CCSER1: variants seen among roughly 807,000 people sequenced by gnomAD.
CCSER1 encodes the protein serine-rich coiled-coil domain-containing protein 1.
CCSER1 carries 41 observed loss-of-function variants against 82.0 expected under a neutral mutation model. The observed-to-expected ratio is 0.50, with a 90% CI of 0.39 to 0.65. The LOEUF (loss-of-function observed/expected upper bound fraction) is 0.65, where lower values mean the gene tolerates loss of function less well. CCSER1 is among the 30% of genes least tolerant of loss of function. CCSER1 has a pLI of 0.00. For synonymous variants in CCSER1, 414 were observed against 383.9 expected (o/e 1.08, Z -0.92); for missense variants, 1,119 against 1,064.2 (o/e 1.05, Z -0.72).
At chr4:90,695,121 G>A (rs1288122687) in intron 6 of CCSER1, among the ~76,000 whole-genome samples, 2 of 149,476 alleles carry the variant, frequency 1.3e-5, no homozygotes, top group Non-Finnish European at 3.0e-5. Flanking sequence ...CATACACTTT[G>A]GCAACTATTG....
In CCSER1 at chr4:91,000,446, T is replaced by G. The variant is rs573741680; in HGVS notation, c.2172+76999T>G. 8.5e-5 allele frequency among the ~76,000 whole-genome samples: 13 copies of G among 152,234 alleles called. 1 individual carries two copies. The South Asian group carries it at 2.7e-3, about 32-fold the overall frequency. ...CCATATGAATTTTAGTATAATGTTT[T>G]CCAATTCTATGAAAAATGACATTGG... On this transcript the variant is annotated intron_variant, in intron 9 of 10. Coordinates refer to ENST00000509176, the MANE Select transcript of CCSER1 (RefSeq NM_001145065.2).
chr4:90,920,998 T>C (rs1728302830), intron 8 of CCSER1, among the ~76,000 whole-genome samples: 1 of 151,664 alleles, frequency 6.6e-6, no homozygotes, highest in South Asian at 2.1e-4. Flanking sequence ...AAAATATATA[T>C]ATTTATGAAA....
intron 5 of CCSER1, among the ~76,000 whole-genome samples, chr4:90,504,034 T>G (rs972935139): frequency 2.6e-5 from 4 of 152,184 alleles, no homozygotes; most frequent in Admixed American, 6.5e-5. Context: ...ATTGTATTCA[T>G]AACCTTTGCA....
At chr4:91,437,916 C>G (rs567752107) in intron 10 of CCSER1, among the ~76,000 whole-genome samples, 1 of 152,178 alleles carries the variant, frequency 6.6e-6, no homozygotes, top group Non-Finnish European at 1.5e-5. Flanking sequence ...AAGGCAGCAG[C>G]GAGGCAGGGG....
At chr4:91,307,281 A>G (rs1171614479) in intron 10 of CCSER1, among the ~76,000 whole-genome samples, 2 of 151,920 alleles carry the variant, frequency 1.3e-5, no homozygotes, top group Admixed American at 1.3e-4. Flanking sequence ...AGGATTCTGA[A>G]CAGATCTAAT....
intron 9 of CCSER1, among the ~76,000 whole-genome samples, chr4:90,941,426 T>G (rs1731571813): frequency 6.6e-6 from 1 of 152,130 alleles, no homozygotes; most frequent in Non-Finnish European, 1.5e-5. Flanking sequence ...GTGACACACA[T>G]AAAAACTTCC....
At chr4:91,168,665 A>G (rs528385151) in intron 10 of CCSER1, among the ~76,000 whole-genome samples, 195 of 150,560 alleles carry the variant, frequency 1.3e-3, no homozygotes, top group African/African-American at 4.5e-3. Context: ...CCTCTGCCCG[A>G]CCGCCCCATC....
chr4:90,482,888 C>A (rs1766286855), intron 5 of CCSER1, among the ~76,000 whole-genome samples: 1 of 152,148 alleles, frequency 6.6e-6, no homozygotes, highest in Non-Finnish European at 1.5e-5. Context: ...TCTATTAGGT[C>A]TGCTTGGTGC....
At chr4:90,217,298 G>A (rs1384152758) in intron 1 of CCSER1, among the ~76,000 whole-genome samples, 1 of 152,168 alleles carries the variant, frequency 6.6e-6, no homozygotes, top group Non-Finnish European at 1.5e-5. Flanking sequence ...CGGGGTTCAA[G>A]TGATTCTCTT....
intron 8 of CCSER1, among the ~76,000 whole-genome samples, chr4:90,872,636 A>G (rs1289768425): frequency 6.6e-6 from 1 of 152,004 alleles, no homozygotes; most frequent in African/African-American, 2.4e-5. Flanking sequence ...TACTCAAGCT[A>G]TCAGTAGTAT....
rs148862752 is a variant in CCSER1 at position 90,913,307 on chromosome 4, G to T, written c.2095-10063G>T. On this transcript the variant is annotated intron_variant, in intron 8 of 10. Coordinates refer to ENST00000509176, the MANE Select transcript of CCSER1 (RefSeq NM_001145065.2). ...CAGCTGATCTCTCAGCAGACACTCT[G>T]CAAGCCAGAAGAGAGAGGGGGCCAA... Among the ~76,000 whole-genome samples the T allele has an allele frequency of 7.9e-3, 1,205 of 152,292 alleles. 7 individuals are homozygous for T. The highest frequency in any genetic ancestry group is 0.012 in the Non-Finnish European group (810 of 68,018).
At chr4:90,318,069 C>T (rs1477538808) in intron 3 of CCSER1, among the ~76,000 whole-genome samples, 1 of 152,204 alleles carries the variant, frequency 6.6e-6, no homozygotes, top group Non-Finnish European at 1.5e-5. Context: ...ACTGCCTCCT[C>T]TTTCCCTTTT....
intron 10 of CCSER1, among the ~76,000 whole-genome samples, chr4:91,563,678 T>C (rs1762759625): frequency 6.6e-6 from 1 of 151,742 alleles, no homozygotes; most frequent in South Asian, 2.1e-4. Context: ...CTGTTCAACA[T>C]AGTACTTGAC....
intron 10 of CCSER1, among the ~76,000 whole-genome samples, chr4:91,155,865 A>G (rs544356786): frequency 6.6e-6 from 1 of 152,000 alleles, no homozygotes; most frequent in East Asian, 1.9e-4. Flanking sequence ...CAAGAACAAG[A>G]CCATATTTGG....
chr4:90,300,852 G>T (rs928762822), intron 1 of CCSER1, among the ~76,000 whole-genome samples: 2 of 152,082 alleles, frequency 1.3e-5, no homozygotes, highest in African/African-American at 4.8e-5. Flanking sequence ...TTGAGACAGG[G>T]TCTCGCTCTG....
intron 10 of CCSER1, chr4:91,112,485 T>C (rs1361231185): frequency 6.6e-6 from 1 of 152,152 alleles, no homozygotes; most frequent in Non-Finnish European, 1.5e-5. Flanking sequence ...TAATCTTTAT[T>C]ATCTTTGTTC....
intron 10 of CCSER1, among the ~76,000 whole-genome samples, chr4:91,519,527 T>C (rs1428568680): frequency 6.6e-6 from 1 of 152,184 alleles, no homozygotes; most frequent in Non-Finnish European, 1.5e-5. Context: ...GGCACCCCTT[T>C]TGCTGGAGCT....
intron 5 of CCSER1, among the ~76,000 whole-genome samples, chr4:90,536,868 A>T (rs1560680708): frequency 6.6e-6 from 1 of 152,242 alleles, no homozygotes; most frequent in African/African-American, 2.4e-5. Flanking sequence ...AGGAAGACTG[A>T]TGAAAACAGA....
At chr4:90,304,793 T>G (rs1733924497) in intron 1 of CCSER1, among the ~76,000 whole-genome samples, 1 of 151,950 alleles carries the variant, frequency 6.6e-6, no homozygotes, top group Admixed American at 6.6e-5. Context: ...AAACTTAAAG[T>G]ATAATAATAA....
Sources: allele counts gnomAD v4.1 joint callset (sites outside exome capture counted in the v4.1 genomes callset), GRCh38; gene constraint gnomAD v4.1.1; transcripts MANE v1.5; gene names NCBI Gene and HGNC (gene_info 2026-07-23, HGNC 2026-07-21).